The following IDH1 variants were observed in gnomAD, a reference collection of about 807,000 sequenced individuals.
IDH1 encodes the protein isocitrate dehydrogenase [NADP] cytoplasmic.
A neutral mutation model predicts 46.1 loss-of-function variants in IDH1; 33 were observed. That is an observed-to-expected ratio of 0.72 (90% CI 0.54 to 0.96). The LOEUF (loss-of-function observed/expected upper bound fraction) is 0.96, where lower values mean the gene tolerates loss of function less well. IDH1 is among the 40% of genes least tolerant of loss of function. The pLI, the probability that IDH1 is intolerant of heterozygous loss-of-function variation, is 0.00. For missense variants in IDH1, 421 were observed against 515.7 expected, an observed-to-expected ratio of 0.82 and a Z score of 1.78; for synonymous variants, 144 against 172.8, an observed-to-expected ratio of 0.83 and a Z score of 1.31.
At chr2:208,249,941 G>C (rs1374404580) in intron 3 of IDH1, among the ~76,000 whole-genome samples, 1 of 152,156 alleles carries the variant, frequency 6.6e-6, no homozygotes, top group Non-Finnish European at 1.5e-5. Context: ...CAAATTATTA[G>C]ATTTTTTGCT....
chr2:208,253,164 T>C (rs1314506779), intron 2 of IDH1, among the ~76,000 whole-genome samples: 1 of 152,228 alleles, frequency 6.6e-6, no homozygotes, highest in African/African-American at 2.4e-5. Context: ...AGGTCAAATA[T>C]TGTACCTAAA....
chr2:208,252,770 C>T (rs1367438373), intron 2 of IDH1, among the ~76,000 whole-genome samples: 1 of 152,148 alleles, frequency 6.6e-6, no homozygotes, highest in Non-Finnish European at 1.5e-5. Flanking sequence ...TCTTGACAAG[C>T]CTGGATGTAT....
intron 2 of IDH1, among the ~76,000 whole-genome samples, chr2:208,252,123 A>C (rs1688136638): frequency 6.6e-6 from 1 of 152,180 alleles, no homozygotes; most frequent in Non-Finnish European, 1.5e-5. Flanking sequence ...CCATGAGGAG[A>C]TTCAGCTGGT....
chr2:208,247,017 C>A (rs536481822), intron 4 of IDH1, among the ~76,000 whole-genome samples: 2 of 152,116 alleles, frequency 1.3e-5, no homozygotes, highest in Admixed American at 1.3e-4. Flanking sequence ...GTGATTTTTA[C>A]AAGATTAGCG....
intron 3 of IDH1, 60 bp from the exon 4 acceptor site, chr2:208,248,720 A>G: frequency 6.8e-7 from 1 of 1,460,306 alleles, no homozygotes; most frequent in Non-Finnish European, 9.6e-7. Flanking sequence ...ATAACCTACA[A>G]CTGCAGTGAT....
rs534154582 is a variant in IDH1, at chr2:208,248,982, C to T, written c.123-322G>A. Among the ~76,000 whole-genome samples the T allele has an allele frequency of 2.6e-5, 4 of 152,292 alleles. No individual in the cohort carries two copies. The East Asian group carries it at 7.7e-4, about 29-fold the overall frequency. ...TAGAGGCAATAATGGCCTGGTTTCT[C>T]TCCATATAATTAGTATAATAAGTGT... On this transcript the variant is annotated intron_variant, in intron 3 of 9. Coordinates refer to ENST00000345146, the MANE Select transcript of IDH1 (RefSeq NM_005896.4).
chr2:208,239,954 G>A lies in IDH1; in HGVS notation c.900C>T (p.Gly300=), dbSNP rs1574402351. The A allele has an allele frequency of 1.9e-6, 3 of 1,614,110 alleles. No homozygotes were observed. Among genetic ancestry groups the A allele is most frequent in the South Asian group, 2.2e-5 (2 of 91,076 alleles). ...MMTSVLVCPD[G]KTVEAEAAHG... ...GGGCAGCCTCTGCTTCTACTGTCTT[G>A]CCATCTGGACAAACCAGCACGCTGG... Residue 300 remains glycine (G), a synonymous_variant, in exon 8 of 10, where the codon GGC becomes GGT. Coordinates refer to ENST00000345146, the MANE Select transcript of IDH1 (RefSeq NM_005896.4).
In IDH1 at chr2:208,236,931, G is replaced by C; in HGVS notation, c.*148C>G. 1.6e-6 allele frequency: 1 copy of C among 621,756 alleles called. No homozygotes were observed. Among genetic ancestry groups the C allele is most frequent in the Non-Finnish European group, 2.8e-6 (1 of 351,018 alleles). The allele number at this position is 621,756 out of a possible 1,614,324, so 38.5% of individuals were successfully genotyped here. ...CAATAACTGTATATATAAGAAAAAG[G>C]CTGTAAACTTATAGAAAAGATAAAC... On this transcript the variant is annotated 3_prime_UTR_variant, in exon 10 of 10. Transcript: ENST00000345146.
intron 8 of IDH1, among the ~76,000 whole-genome samples, chr2:208,239,638 A>C (rs1220103191): frequency 6.6e-6 from 1 of 152,262 alleles, no homozygotes; most frequent in Non-Finnish European, 1.5e-5. Context: ...AGGTAAAGGA[A>C]AATGCTTGTT....
intron 8 of IDH1, 82 bp from the exon 9 acceptor site, chr2:208,239,315 G>C: frequency 6.9e-7 from 1 of 1,450,738 alleles, no homozygotes; most frequent in South Asian, 1.2e-5. Context: ...CCCCAAAACA[G>C]AATAGTTTTT....
intron 5 of IDH1, among the ~76,000 whole-genome samples, chr2:208,245,039 C>T (rs1008582868): frequency 1.3e-5 from 2 of 152,140 alleles, no homozygotes; most frequent in African/African-American, 4.8e-5. Context: ...AGATTTCTGC[C>T]AACCTTCTCT....
rs113995440 is a variant in IDH1 at position 208,252,173 on chromosome 2, C to T, written c.-16-606G>A. 5.3e-3 allele frequency among the ~76,000 whole-genome samples: 803 copies of T among 152,268 alleles called. 5 individuals carry two copies. The highest frequency in any genetic ancestry group is 0.018 in the African/African-American group (760 of 41,554). On this transcript the variant is annotated intron_variant, in intron 2 of 9. Coordinates refer to ENST00000345146, the MANE Select transcript of IDH1 (RefSeq NM_005896.4). ...TTCAGGGAAACTTTAAGTCTAAAAG[C>T]GAGACGAAGAATTCCTGGTGGAACT...
At chr2:208,248,267 G>A (rs773530559) in intron 4 of IDH1, 102 bp downstream of exon 4, 8 of 974,260 alleles carry the variant, frequency 8.2e-6, no homozygotes, top group South Asian at 1.4e-5. Context: ...TGCTTAATGG[G>A]TGTAGATACC....
At chr2:208,248,295 C>A (rs2124862207) in intron 4 of IDH1, 74 bp downstream of exon 4, 1 of 1,334,318 alleles carries the variant, frequency 7.5e-7, no homozygotes, top group Non-Finnish European at 1.1e-6. Flanking sequence ...AAGAATAAAA[C>A]ACATACAAGT....
intron 4 of IDH1, chr2:208,247,689 A>G (rs914378453): frequency 2.0e-5 from 3 of 152,274 alleles, no homozygotes; most frequent in Non-Finnish European, 4.4e-5. Flanking sequence ...ATTTTTGTAG[A>G]GACAGGGTTC....
At chr2:208,237,633 A>C (rs1457481348) in intron 9 of IDH1, among the ~76,000 whole-genome samples, 1 of 152,166 alleles carries the variant, frequency 6.6e-6, no homozygotes, top group Non-Finnish European at 1.5e-5. Flanking sequence ...AGAAAAACAA[A>C]AGACAGGCCG....
chr2:208,243,924 T>C (rs1280095854), intron 5 of IDH1, among the ~76,000 whole-genome samples: 1 of 152,150 alleles, frequency 6.6e-6, no homozygotes, highest in Non-Finnish European at 1.5e-5. Flanking sequence ...AAAAGGCAAA[T>C]AATTTTGAAA....
At chr2:208,249,977 TAAGA>T (rs1464476751) in intron 3 of IDH1, among the ~76,000 whole-genome samples, 3 of 152,136 alleles carry the variant, frequency 2.0e-5, no homozygotes, top group Non-Finnish European at 4.4e-5. Flanking sequence ...TCTAAGAAGA[TAAGA>T]AAGGAAGGAA....
At chr2:208,244,758 C>T (rs1687984893) in intron 5 of IDH1, among the ~76,000 whole-genome samples, 1 of 152,098 alleles carries the variant, frequency 6.6e-6, no homozygotes, top group Non-Finnish European at 1.5e-5. Flanking sequence ...TCAACAACTT[C>T]AATAGTGAAG....
Sources: allele counts gnomAD v4.1 joint callset (sites outside exome capture counted in the v4.1 genomes callset), GRCh38; gene constraint gnomAD v4.1.1; transcripts MANE v1.5; gene names NCBI Gene and HGNC (gene_info 2026-07-23, HGNC 2026-07-21).